Variants in KRABD3 observed in about 807,000 individuals in gnomAD.
KRABD3 encodes the protein KRAB domain-containing protein 3.
chr7:149,723,792 G>A, the KRABD3 span: 87 of 1,614,032 alleles, frequency 5.4e-5, no homozygotes, highest in African/African-American at 1.1e-3. Flanking sequence ...ACTGTCTGAA[G>A]GAGCTCCCCG....
At chr7:149,728,265 A>C in the KRABD3 span, among the ~76,000 whole-genome samples, 1 of 152,042 alleles carries the variant, frequency 6.6e-6, no homozygotes, top group Non-Finnish European at 1.5e-5. Flanking sequence ...GCTGAGGAGG[A>C]CTAGAGCCCA....
chr7:149,725,755 A>C, the KRABD3 span: 4 of 881,060 alleles, frequency 4.5e-6, no homozygotes, highest in Admixed American at 8.8e-5. Flanking sequence ...ATGGGAGTTG[A>C]ATCAGTGCCA....
At chr7:149,733,085 C>T in the KRABD3 span, 3 of 1,228,818 alleles carry the variant, frequency 2.4e-6, no homozygotes, top group Admixed American at 6.9e-5. Flanking sequence ...ACCTTCCTTC[C>T]TTTCTGGAAG....
At chr7:149,719,470 G>T in the KRABD3 span, 2 of 1,476,970 alleles carry the variant, frequency 1.4e-6, no homozygotes, top group Non-Finnish European at 9.0e-7. This position sits in a 1 kb window ranked among gnomAD's most constrained non-coding sequence, Gnocchi z 5.6. Context: ...CCTAGGTGGG[G>T]TTACCAAGTG....
chr7:149,724,644 TC>T, the KRABD3 span: 15 of 1,511,930 alleles, frequency 9.9e-6, no homozygotes, highest in Admixed American at 4.2e-5. Context: ...AATGGCCTCC[TC>T]CCGCAGGGCC....
the KRABD3 span, chr7:149,733,159 G>C: frequency 6.5e-7 from 1 of 1,541,542 alleles, no homozygotes; most frequent in Non-Finnish European, 8.8e-7. Context: ...GGGAGAGAAA[G>C]GTCCTTACAA....
chr7:149,730,542 C>A, the KRABD3 span: 1 of 1,612,158 alleles, frequency 6.2e-7, no homozygotes, highest in Non-Finnish European at 8.5e-7. Context: ...AGAACAGAGC[C>A]CAGGTACTGC....
chr7:149,726,914 T>TGG, the KRABD3 span, among the ~76,000 whole-genome samples: 1 of 152,098 alleles, frequency 6.6e-6, no homozygotes, highest in Non-Finnish European at 1.5e-5. Flanking sequence ...ATCTCAAAAA[T>TGG]AAATACATAA....
the KRABD3 span, chr7:149,734,075 G>T: frequency 6.4e-7 from 1 of 1,568,386 alleles, no homozygotes; most frequent in South Asian, 1.2e-5. Context: ...ACATCTGCTC[G>T]TTCTTGCCGA....
chr7:149,720,022 C>G, the KRABD3 span: 1 of 1,548,574 alleles, frequency 6.5e-7, no homozygotes, highest in African/African-American at 1.4e-5. Flanking sequence ...AGCTGAGCTG[C>G]TCCCCCTCTC....
the KRABD3 span, chr7:149,719,728 A>G: frequency 1.3e-6 from 2 of 1,559,548 alleles, no homozygotes; most frequent in Non-Finnish European, 1.7e-6. The surrounding 1 kb of genome is among the most constrained non-coding windows in gnomAD (Gnocchi z 5.6). Flanking sequence ...GGTGGAAGGG[A>G]GGCCGGAGTC....
chr7:149,733,406 G>A, the KRABD3 span: 19 of 1,605,244 alleles, frequency 1.2e-5, no homozygotes, highest in South Asian at 4.4e-5. Flanking sequence ...GGATCGGCTC[G>A]CCACAGCGCT....
At chr7:149,725,253 G>T in the KRABD3 span, 3 of 1,466,716 alleles carry the variant, frequency 2.0e-6, no homozygotes, top group African/African-American at 1.4e-5. Flanking sequence ...GCCAGCCAGG[G>T]GTCTGATGGG....
At chr7:149,731,417 C>CT in the KRABD3 span, among the ~76,000 whole-genome samples, 67 of 152,250 alleles carry the variant, frequency 4.4e-4, no homozygotes, top group African/African-American at 1.6e-3. Context: ...GATGAGAGTC[C>CT]TTTTTCCCAG....
At chr7:149,724,970 C>G in the KRABD3 span, 2,214 of 835,554 alleles carry the variant, frequency 2.6e-3, 46 homozygotes, top group African/African-American at 0.034. Context: ...CCTTTCTTCC[C>G]AAGCAGTGAA....
At chr7:149,727,574 C>T in the KRABD3 span, among the ~76,000 whole-genome samples, 1 of 152,192 alleles carries the variant, frequency 6.6e-6, no homozygotes, top group African/African-American at 2.4e-5. Context: ...TTGTCGTCAG[C>T]ATTTGTCTTT....
chr7:149,731,809 C>CG, the KRABD3 span: 1 of 1,514,466 alleles, frequency 6.6e-7, no homozygotes, highest in South Asian at 1.2e-5. Context: ...TCCCTCTGCA[C>CG]GGGCCAGGAC....
chr7:149,733,131 T>C, the KRABD3 span: 2 of 1,507,368 alleles, frequency 1.3e-6, no homozygotes, highest in Non-Finnish European at 1.8e-6. Flanking sequence ...TGAGCGCCCT[T>C]GGTTCATGGG....
At chr7:149,732,792 C>T in the KRABD3 span, among the ~76,000 whole-genome samples, 2 of 151,964 alleles carry the variant, frequency 1.3e-5, no homozygotes, top group Non-Finnish European at 1.5e-5. This position sits in a 1 kb window ranked among gnomAD's most constrained non-coding sequence, Gnocchi z 4.0. Flanking sequence ...CTTGCCTGGC[C>T]CTCCTGGCCC....
Sources: allele counts gnomAD v4.1 joint callset (sites outside exome capture counted in the v4.1 genomes callset), GRCh38; gene constraint gnomAD v4.1.1; non-coding constraint Gnocchi (gnomAD v3.1); transcripts MANE v1.5; gene names NCBI Gene and HGNC (gene_info 2026-07-23, HGNC 2026-07-21).